Variants in ATP6V0A2 observed in about 807,000 individuals in gnomAD.
The protein encoded by ATP6V0A2 is V-type proton ATPase 116 kDa subunit a 2.
Under a neutral mutation model 104.4 loss-of-function variants are expected in ATP6V0A2, and 58 were observed. The observed-to-expected ratio is 0.56, with a 90% CI of 0.45 to 0.69. The LOEUF (loss-of-function observed/expected upper bound fraction) is 0.69, where lower values mean the gene tolerates loss of function less well. ATP6V0A2 is among the 30% of genes least tolerant of loss of function. The pLI, the probability that ATP6V0A2 is intolerant of heterozygous loss-of-function variation, is 0.00. For missense variants in ATP6V0A2, 938 were observed against 1,062.9 expected, an observed-to-expected ratio of 0.88 and a Z score of 1.63; for synonymous variants, 376 against 397.9, an observed-to-expected ratio of 0.95 and a Z score of 0.65.
rs767068075 is a variant in ATP6V0A2 at position 123,712,560 on chromosome 12, C to T, written c.-6C>T. The T allele has an allele frequency of 6.3e-7, 1 of 1,576,372 alleles. No homozygotes were observed. On this transcript the variant is annotated 5_prime_UTR_variant, in exon 1 of 20. Coordinates refer to ENST00000330342, the MANE Select transcript of ATP6V0A2 (RefSeq NM_012463.4). ...TCGAGCCCCTCCGGGCGCGGGTCGG[C>T]CCGCCATGGGGTCCCTGTTCCGGAG...
At chr12:123,713,806 T>A (rs1172612413) in intron 1 of ATP6V0A2, among the ~76,000 whole-genome samples, 2 of 152,198 alleles carry the variant, frequency 1.3e-5, no homozygotes, top group African/African-American at 4.8e-5. Flanking sequence ...CCTGACTGTT[T>A]CCCTTAATCT....
Position 123,744,965 on chromosome 12 carries a change from T to C in ATP6V0A2, c.1598T>C (p.Ile533Thr), listed in dbSNP as rs1251774337. The C allele has an allele frequency of 1.2e-6, 2 of 1,614,066 alleles. No individual in the cohort carries two copies. Among genetic ancestry groups the C allele is most frequent in the African/African-American group, 1.3e-5 (1 of 74,934 alleles). Residue 533 changes from isoleucine (I) to threonine (T), a missense_variant, in exon 13 of 20, where the codon ATT (isoleucine) becomes ACT (threonine). Transcript: ENST00000330342. This position sits in a 1 kb window ranked among gnomAD's most constrained non-coding sequence, Gnocchi z 5.4. ...TTCCGAGGCCCTTATCCCCTTGGCA[T>C]TGATCCTGTGAGTGCACCACGCTCT... is the stretch of plus-strand genomic sequence containing the variant. Reference protein sequence around the residue: ...GVFRGPYPLGIDPIWNLATNR... With the variant: ...GVFRGPYPLGTDPIWNLATNR...
Position 123,722,407 on chromosome 12 carries a change from A to G in ATP6V0A2, c.253A>G (p.Ser85Gly). The change falls in exon 3 of 20, where the codon AGC becomes GGC. Residue 85 changes from serine to glycine, a missense_variant. By Grantham distance (56) the Ser-to-Gly change is moderately conservative. Transcript: ENST00000330342. ...ADIPLPEGEA[S>G]PPAPPLKQVL... is the part of the protein sequence containing the mutation. The stretch of plus-strand genomic sequence containing the variant: ...TATTCCCCTTCCTGAAGGAGAGGCC[A>G]GCCCTCCTGCGCCACCCCTGAAACA... 6.2e-7 allele frequency: 1 copy of G among 1,613,296 alleles called. No homozygotes were observed. Among genetic ancestry groups the G allele is most frequent in the Non-Finnish European group, 8.5e-7 (1 of 1,179,192 alleles).
intron 6 of ATP6V0A2, 28 bp downstream of exon 6, chr12:123,727,937 G>A: frequency 6.2e-7 from 1 of 1,614,090 alleles, no homozygotes. Flanking sequence ...TCACCTTTTA[G>A]CAATGACGGA....
chr12:123,760,162 G>A lies in ATP6V0A2; in HGVS notation c.*2130G>A, dbSNP rs942887327. The stretch of plus-strand genomic sequence containing the variant: ...GGTAAATAAGGGACACGATATTCAC[G>A]GGAATTGTTTACTGCTCCCCACTAG... On this transcript the variant is annotated 3_prime_UTR_variant, in exon 20 of 20. Coordinates refer to ENST00000330342, the MANE Select transcript of ATP6V0A2 (RefSeq NM_012463.4). The A allele has an allele frequency of 2.6e-5, 4 of 152,154 alleles. No homozygotes were observed. Among genetic ancestry groups the A allele is most frequent in the Admixed American group, 6.5e-5 (1 of 15,280 alleles). The allele number at this position is 152,154 out of a possible 1,614,324, so 9.4% of individuals were successfully genotyped here. A position where few individuals can be genotyped will look rare whatever the true frequency, so the allele number is the denominator to read the frequency against.
intron 13 of ATP6V0A2, 135 bp downstream of exon 13, chr12:123,745,107 A>G (rs192545183): frequency 3.3e-6 from 3 of 914,928 alleles, no homozygotes; most frequent in Non-Finnish European, 5.2e-6. Flanking sequence ...GCCCCTGTGC[A>G]TCCCAGTCCC....
intron 16 of ATP6V0A2, 49 bp downstream of exon 16, chr12:123,751,278 C>T (rs749203940): frequency 2.7e-5 from 44 of 1,613,566 alleles, no homozygotes; most frequent in Admixed American, 2.7e-4. Flanking sequence ...AGCTTGCTTT[C>T]GGTTATACAA....
Position 123,743,679 on chromosome 12 carries a change from CACCAAAAAAA to C in ATP6V0A2, c.1039-96_1039-87del, listed in dbSNP as rs1346809281. 2.4e-4 allele frequency: 318 copies of C among 1,320,744 alleles called. 1 individual carries two copies. The highest frequency in any genetic ancestry group is 1.2e-5 in the Non-Finnish European group (11 of 925,466). The allele number at this position is 1,320,744 out of a possible 1,614,324, so 81.8% of individuals were successfully genotyped here. A position where few individuals can be genotyped will look rare whatever the true frequency, so the allele number is the denominator to read the frequency against. ...AAAAAAAAACAAAACAAAACAACAC[CACCAAAAAAA>C]ACCAAAAAACAAAGCAGTAACCCAG... On this transcript the variant is annotated intron_variant, in intron 9 of 19. Transcript: ENST00000330342.
chr12:123,720,877 A>G (rs1048960321), intron 2 of ATP6V0A2, among the ~76,000 whole-genome samples: 1 of 152,200 alleles, frequency 6.6e-6, no homozygotes, highest in Non-Finnish European at 1.5e-5. Flanking sequence ...TAAAAAAAAA[A>G]AGAATAAATT....
chr12:123,753,468 G>A (rs983879417), intron 17 of ATP6V0A2, among the ~76,000 whole-genome samples: 3 of 152,212 alleles, frequency 2.0e-5, no homozygotes, highest in African/African-American at 7.2e-5. Flanking sequence ...TTGCTGTGTC[G>A]GCACAGGGCC....
intron 1 of ATP6V0A2, among the ~76,000 whole-genome samples, chr12:123,717,525 A>G (rs2135878081): frequency 6.6e-6 from 1 of 150,868 alleles, no homozygotes; most frequent in African/African-American, 2.4e-5. Flanking sequence ...GCTCACTGCA[A>G]TCTCGATCTC....
At chr12:123,724,591 G>A in intron 3 of ATP6V0A2, 63 bp from the exon 4 acceptor site, 1 of 1,560,942 alleles carries the variant, frequency 6.4e-7, no homozygotes. Context: ...ACTGCATGAA[G>A]ATTATTGGAA....
Position 123,733,960 on chromosome 12 carries a change from C to A in ATP6V0A2, c.683C>A (p.Ser228Tyr), listed in dbSNP as rs1464137715. 6.2e-7 allele frequency: 1 copy of A among 1,613,360 alleles called. No individual in the cohort carries two copies. Among genetic ancestry groups the A allele is most frequent in the African/African-American group, 1.3e-5 (1 of 75,004 alleles). The change falls in exon 7 of 20, where the codon TCC becomes TAC. Residue 228 changes from serine (S) to tyrosine (Y), a missense_variant. Coordinates refer to ENST00000330342, the MANE Select transcript of ATP6V0A2 (RefSeq NM_012463.4). The part of the protein sequence containing the change: ...EVIKWYVFLI[S>Y]FWGEQIGHKV... ...ATAAAATGGTATGTCTTTTTAATAT[C>A]CTTTTGGGGAGAGCAGATTGGCCAC...
intron 6 of ATP6V0A2, 93 bp downstream of exon 6, chr12:123,728,002 GATA>G: frequency 6.5e-7 from 1 of 1,548,454 alleles, no homozygotes; most frequent in Non-Finnish European, 8.9e-7. Context: ...TGAACCATTT[GATA>G]ATAAGTTGTT....
chr12:123,744,447 G>T lies in ATP6V0A2; in HGVS notation c.1326+110G>T. 6.4e-7 allele frequency: 1 copy of T among 1,566,478 alleles called. No homozygotes were observed. The highest frequency in any genetic ancestry group is 8.8e-7 in the Non-Finnish European group (1 of 1,141,080). ...TGTAGGCTGCGGCTGTGCTGGGCAG[G>T]TGTGTGGCCTGTCAGCTGCGGCTGA... On this transcript the variant is annotated intron_variant, in intron 11 of 19. Transcript: ENST00000330342. This position sits in a 1 kb window ranked among gnomAD's most constrained non-coding sequence, Gnocchi z 5.4.
At chr12:123,729,567 G>A (rs1366095466) in intron 6 of ATP6V0A2, among the ~76,000 whole-genome samples, 1 of 152,046 alleles carries the variant, frequency 6.6e-6, no homozygotes, top group Non-Finnish European at 1.5e-5. Flanking sequence ...TGGAGGCAGC[G>A]GGGAGAGACA....
intron 19 of ATP6V0A2, 93 bp from the exon 20 acceptor site, chr12:123,757,834 A>G: frequency 1.2e-6 from 1 of 827,174 alleles, no homozygotes; most frequent in Non-Finnish European, 1.9e-6. Context: ...AAGCAATTTC[A>G]GCACAGGAAT....
chr12:123,735,623 CTG>C lies in ATP6V0A2; in HGVS notation c.825+2_825+3del. 6.2e-7 allele frequency: 1 copy of C among 1,612,052 alleles called. No individual in the cohort carries two copies. Among genetic ancestry groups the C allele is most frequent in the Non-Finnish European group, 8.5e-7 (1 of 1,178,172 alleles). On this transcript the variant is annotated splice_donor_variant and coding_sequence_variant, in exon 8 of 20. Coordinates refer to ENST00000330342, the MANE Select transcript of ATP6V0A2 (RefSeq NM_012463.4). LOFTEE classifies it high-confidence loss of function. ...AACACCCGCATCCAGGATCTCTACA[CTG>C]TGAGTAAGCTGGAAGTGGATTGCCT...
At position 123,736,933 on chromosome 12, in the gene ATP6V0A2, G is replaced by A. The variant is rs755843754; in HGVS notation, c.826-126G>A. ...GAATGGCTCCCTTAGCTGCCACCAG[G>A]ATAGGCAGGTGCCTGGAATGATCCT... On this transcript the variant is annotated intron_variant, in intron 8 of 19. Coordinates refer to ENST00000330342, the MANE Select transcript of ATP6V0A2 (RefSeq NM_012463.4). 255 of 940,370 alleles carry A rather than the reference G, an allele frequency of 2.7e-4. 1 individual carries two copies. The highest frequency in any genetic ancestry group is 6.3e-4 in the Middle Eastern group (2 of 3,200). The allele number at this position is 940,370 out of a possible 1,614,324, so 58.3% of individuals were successfully genotyped here. A position where few individuals can be genotyped will look rare whatever the true frequency, so the allele number is the denominator to read the frequency against.
Sources: gnomAD v4.1 joint callset for allele counts (sites outside exome capture counted in the v4.1 genomes callset) on GRCh38, gnomAD v4.1.1 for gene constraint, Gnocchi (gnomAD v3.1) non-coding constraint, MANE v1.5 for transcripts, NCBI Gene and HGNC (gene_info 2026-07-23, HGNC 2026-07-21) for gene names.